The following EGFLAM variants were observed in gnomAD, a reference collection of about 807,000 sequenced individuals.
EGFLAM encodes the protein pikachurin.
Under a neutral mutation model 113.1 loss-of-function variants are expected in EGFLAM, and 79 were observed. That is an observed-to-expected ratio of 0.70 (90% CI 0.58 to 0.84). EGFLAM has a LOEUF of 0.84. Ranked by LOEUF, EGFLAM falls within the 40% of genes least tolerant of loss-of-function variation. The probability of loss-of-function intolerance (pLI) is 0.00; values close to 1 mark genes in which losing one functional copy is unlikely to be tolerated. For missense variants in EGFLAM, 1,265 were observed against 1,291.6 expected (o/e 0.98, Z 0.32); for synonymous variants, 504 against 487.6 (o/e 1.03, Z -0.44).
intron 6 of EGFLAM, among the ~76,000 whole-genome samples, chr5:38,380,731 C>T (rs6877309): frequency 1.3e-5 from 2 of 152,174 alleles, no homozygotes; most frequent in East Asian, 3.8e-4. Flanking sequence ...GCATGTAAAT[C>T]TGAGCAACAT....
intron 1 of EGFLAM, among the ~76,000 whole-genome samples, chr5:38,312,524 G>A (rs1046917801): frequency 6.6e-6 from 1 of 152,160 alleles, no homozygotes; most frequent in African/African-American, 2.4e-5. Context: ...ACAGGCGTGA[G>A]CCACCGCGCC....
At chr5:38,306,360 G>A (rs558253948) in intron 1 of EGFLAM, among the ~76,000 whole-genome samples, 1 of 152,294 alleles carries the variant, frequency 6.6e-6, no homozygotes, top group East Asian at 1.9e-4. Context: ...GGCCCCAGAA[G>A]AAGCATGTGT....
In EGFLAM at chr5:38,364,256, A is replaced by C. The variant is rs567413662; in HGVS notation, c.546-6040A>C. Among the ~76,000 whole-genome samples the C allele has an allele frequency of 6.6e-5, 10 of 152,330 alleles. No homozygotes were observed. The South Asian group carries it at 2.1e-3, about 32-fold the overall frequency. On this transcript the variant is annotated intron_variant, in intron 5 of 21. Coordinates refer to ENST00000322350, the MANE Select transcript of EGFLAM (RefSeq NM_152403.4). ...TCTACTGGGGAATGCAGATGGACAG[A>C]GTTCAGAGGAGTAGTGAGTGTTGTA... is the stretch of plus-strand genomic sequence containing the variant.
At chr5:38,364,394 A>G (rs1740005739) in intron 5 of EGFLAM, among the ~76,000 whole-genome samples, 1 of 152,180 alleles carries the variant, frequency 6.6e-6, no homozygotes, top group Non-Finnish European at 1.5e-5. Context: ...ATTACCAGGC[A>G]AAAGGGGAGG....
At chr5:38,322,800 G>A (rs963033069) in intron 1 of EGFLAM, among the ~76,000 whole-genome samples, 1 of 152,184 alleles carries the variant, frequency 6.6e-6, no homozygotes, top group African/African-American at 2.4e-5. Flanking sequence ...GATGTGTAGG[G>A]TAACTGCTCC....
At chr5:38,307,602 G>C (rs1048468299) in intron 1 of EGFLAM, among the ~76,000 whole-genome samples, 2 of 152,224 alleles carry the variant, frequency 1.3e-5, no homozygotes, top group Non-Finnish European at 2.9e-5. Context: ...CTCTATAGAA[G>C]CATGAGAATG....
intron 1 of EGFLAM, among the ~76,000 whole-genome samples, chr5:38,259,158 A>C (rs1757438395): frequency 6.6e-6 from 1 of 152,228 alleles, no homozygotes; most frequent in Non-Finnish European, 1.5e-5. Flanking sequence ...TCTCAATTAC[A>C]GAGGATGGCA....
At chr5:38,300,037 G>T (rs1758539134) in intron 1 of EGFLAM, among the ~76,000 whole-genome samples, 1 of 152,194 alleles carries the variant, frequency 6.6e-6, no homozygotes, top group South Asian at 2.1e-4. Flanking sequence ...AAGAAGTGTT[G>T]CCAAGTAAGG....
chr5:38,418,243 G>A lies in EGFLAM; in HGVS notation c.1672G>A (p.Gly558Arg). 6.2e-7 allele frequency: 1 copy of A among 1,613,632 alleles called. No homozygotes were observed. The highest frequency in any genetic ancestry group is 8.5e-7 in the Non-Finnish European group (1 of 1,179,820). ...CTGGCCCCTGGGAAAAGCACTCAGT[G>A]GGGCTGATGTGGGTAAGTGGCTGCC... ...RPWPLGKALS[G>R]ADVGECSSGI... Residue 558 changes from glycine (G) to arginine (R), a missense_variant, in exon 12 of 22, where the codon GGG becomes AGG. Coordinates refer to ENST00000322350, the MANE Select transcript of EGFLAM (RefSeq NM_152403.4).
At chr5:38,419,265 T>C (rs1250061584) in intron 12 of EGFLAM, among the ~76,000 whole-genome samples, 2 of 152,214 alleles carry the variant, frequency 1.3e-5, no homozygotes, top group Admixed American at 6.5e-5. Context: ...ACTGTGAATT[T>C]TGGGGGAAAA....
chr5:38,341,637 G>A (rs1281993361), intron 3 of EGFLAM, among the ~76,000 whole-genome samples: 1 of 152,186 alleles, frequency 6.6e-6, no homozygotes, highest in Non-Finnish European at 1.5e-5. Flanking sequence ...AAATATTACT[G>A]ACACACTAAG....
At chr5:38,293,429 A>G (rs1359692058) in intron 1 of EGFLAM, among the ~76,000 whole-genome samples, 1 of 152,246 alleles carries the variant, frequency 6.6e-6, no homozygotes, top group Non-Finnish European at 1.5e-5. Context: ...GTGGCTTTAA[A>G]ACAATGATCA....
intron 17 of EGFLAM, among the ~76,000 whole-genome samples, 179 bp downstream of exon 17, chr5:38,438,634 A>G (rs1324275660): frequency 2.6e-5 from 4 of 152,236 alleles, no homozygotes; most frequent in Admixed American, 2.0e-4. Flanking sequence ...TAATTCCTTA[A>G]TAAGAGTTAA....
At position 38,442,556 on chromosome 5, in the gene EGFLAM, C is replaced by T. The variant is rs188249720; in HGVS notation, c.2464+4101C>T. ...TTATATAGGAAAAAAATTTCAATTG[C>T]GTTTATCTTACAGATGAATTAAAGA... is the stretch of plus-strand genomic sequence containing the variant. On this transcript the variant is annotated intron_variant, in intron 17 of 21. Transcript: ENST00000322350. 6.6e-5 allele frequency among the ~76,000 whole-genome samples: 10 copies of T among 151,952 alleles called. No individual in the cohort carries two copies. The East Asian group carries it at 1.9e-3, about 29-fold the overall frequency.
Position 38,350,631 on chromosome 5 carries a change from C to A in EGFLAM, c.409+13C>A. On this transcript the variant is annotated intron_variant, in intron 4 of 21. Coordinates refer to ENST00000322350, the MANE Select transcript of EGFLAM (RefSeq NM_152403.4). ...ACTTTGTCCCAAGGTAAAGTAGGTT[C>A]AAATTCATTAATAGGTGGCAGGCTG... is the stretch of plus-strand genomic sequence containing the variant. 1 of 1,610,224 alleles carries A rather than the reference C, an allele frequency of 6.2e-7. No homozygotes were observed. The highest frequency in any genetic ancestry group is 1.1e-5 in the South Asian group (1 of 90,454).
At chr5:38,404,456 C>A (rs1451083190) in intron 6 of EGFLAM, among the ~76,000 whole-genome samples, 1 of 152,122 alleles carries the variant, frequency 6.6e-6, no homozygotes. Context: ...TCACAGCCTG[C>A]AGAACTGTGA....
chr5:38,355,467 A>G (rs986537338), intron 5 of EGFLAM, among the ~76,000 whole-genome samples: 2 of 152,126 alleles, frequency 1.3e-5, no homozygotes, highest in African/African-American at 4.8e-5. Context: ...CTGCTGCTGA[A>G]ATCAGGGGAC....
chr5:38,352,806 A>G (rs1739666067), intron 5 of EGFLAM, among the ~76,000 whole-genome samples: 1 of 152,164 alleles, frequency 6.6e-6, no homozygotes, highest in Non-Finnish European at 1.5e-5. Context: ...ATCTCCACAC[A>G]TCTTTGTTGG....
chr5:38,403,787 AAGAT>A, intron 6 of EGFLAM: 7 of 1,609,138 alleles, frequency 4.4e-6, no homozygotes, highest in African/African-American at 1.3e-5. Flanking sequence ...TTGCTGTACA[AAGAT>A]AGAGACAAGA....
Sources: gnomAD v4.1 joint callset for allele counts (sites outside exome capture counted in the v4.1 genomes callset) on GRCh38, gnomAD v4.1.1 for gene constraint, MANE v1.5 for transcripts, NCBI Gene and HGNC (gene_info 2026-07-23, HGNC 2026-07-21) for gene names.